Variants in SDK1 observed in about 807,000 individuals in gnomAD.
The protein encoded by SDK1 is protein sidekick-1.
In SDK1, 157 loss-of-function variants were observed where a neutral mutation model predicts 245.5. That is an observed-to-expected ratio of 0.64 (90% CI 0.56 to 0.73). The LOEUF is 0.73. Among genes scored for constraint, SDK1 ranks in the 30% least tolerant of loss-of-function variants. The pLI, the probability that SDK1 is intolerant of heterozygous loss-of-function variation, is 0.00. For synonymous variants in SDK1, 1,647 were observed against 1,278.5 expected (o/e 1.29, Z -6.15); for missense variants, 3,583 against 3,002.3 (o/e 1.19, Z -4.52).
intron 1 of SDK1, among the ~76,000 whole-genome samples, chr7:3,378,925 C>T (rs1241239757): frequency 1.3e-5 from 2 of 152,040 alleles, no homozygotes; most frequent in Non-Finnish European, 2.9e-5. Context: ...TCACCGACCT[C>T]CCACCCCTTC....
intron 32 of SDK1, among the ~76,000 whole-genome samples, chr7:4,166,651 C>T (rs2128214638): frequency 6.6e-6 from 1 of 152,356 alleles, no homozygotes; most frequent in South Asian, 2.1e-4. Context: ...AAGCAGAAGG[C>T]ACAGGATGGA....
intron 4 of SDK1, among the ~76,000 whole-genome samples, chr7:3,656,359 G>T (rs1198701693): frequency 6.6e-6 from 1 of 151,952 alleles, no homozygotes; most frequent in Non-Finnish European, 1.5e-5. Flanking sequence ...GCTTTTTTCT[G>T]GACTATTAGT....
intron 38 of SDK1, 48 bp downstream of exon 38, chr7:4,210,210 C>G (rs1784443701): frequency 6.9e-7 from 1 of 1,451,332 alleles, no homozygotes; most frequent in South Asian, 1.5e-5. Context: ...CACCAGTGCC[C>G]AGCCCTCTGC....
chr7:3,434,380 C>G (rs934720278), intron 1 of SDK1, among the ~76,000 whole-genome samples: 1 of 152,186 alleles, frequency 6.6e-6, no homozygotes, highest in Non-Finnish European at 1.5e-5. Flanking sequence ...GGTGTCCTCC[C>G]TGTTGTTTTG....
intron 5 of SDK1, among the ~76,000 whole-genome samples, chr7:3,925,366 C>A (rs558220754): frequency 6.6e-6 from 1 of 152,332 alleles, no homozygotes; most frequent in East Asian, 1.9e-4. Flanking sequence ...AGAAAAAGCA[C>A]ATTCAAGTTT....
intron 4 of SDK1, among the ~76,000 whole-genome samples, chr7:3,749,297 C>T (rs146424682): frequency 0.013 from 1,924 of 151,748 alleles, 50 homozygotes; most frequent in African/African-American, 0.044. Context: ...CCACCACGCC[C>T]AGCTAATTTT....
In SDK1 at chr7:3,562,674, C is replaced by A. The variant is rs549892625; in HGVS notation, c.299-56406C>A. The stretch of plus-strand genomic sequence containing the variant: ...ATAAAGTATACATAACATAAACTTA[C>A]CATTTTTAAGTGTACTGTTTGGTGG... On this transcript the variant is annotated intron_variant, in intron 1 of 44. Transcript: ENST00000404826. Among the ~76,000 whole-genome samples the A allele has an allele frequency of 1.6e-4, 24 of 152,264 alleles. No homozygotes were observed. In the South Asian group the frequency reaches 5.0e-3, roughly 32 times the overall value.
chr7:3,772,755 G>C (rs913964212), intron 4 of SDK1, among the ~76,000 whole-genome samples: 1 of 152,184 alleles, frequency 6.6e-6, no homozygotes, highest in African/African-American at 2.4e-5. Flanking sequence ...TTGCAGAGCA[G>C]TCTACAGGTA....
At chr7:3,573,605 C>T (rs1003815776) in intron 1 of SDK1, among the ~76,000 whole-genome samples, 2 of 152,006 alleles carry the variant, frequency 1.3e-5, no homozygotes, top group Non-Finnish European at 2.9e-5. Flanking sequence ...GCCACTTCTT[C>T]CAGAGCCAGC....
rs527715566 is a variant in SDK1 at position 3,953,957 on chromosome 7, G to C, written c.1150+2037G>C. Reference sequence around the variant, plus strand: ...GATTTGGATGAGATTATAATCCCACGCCCTGTGGCCGAGCATTATTGGTTT... The same window carrying C: ...GATTTGGATGAGATTATAATCCCACCCCCTGTGGCCGAGCATTATTGGTTT... On this transcript the variant is annotated intron_variant, in intron 7 of 44. Coordinates refer to ENST00000404826, the MANE Select transcript of SDK1 (RefSeq NM_152744.4). Among the ~76,000 whole-genome samples, 10 of 152,224 alleles carry C rather than the reference G, an allele frequency of 6.6e-5. No homozygotes were observed. In the East Asian group the frequency reaches 1.7e-3, roughly 26 times the overall value.
chr7:4,079,377 T>C, intron 21 of SDK1, 86 bp from the exon 22 acceptor site: 1 of 1,508,618 alleles, frequency 6.6e-7, no homozygotes, highest in Non-Finnish European at 9.1e-7. Flanking sequence ...TTGAAACTGT[T>C]TACTTTTGAA....
chr7:3,727,983 G>A (rs1124572), intron 4 of SDK1, among the ~76,000 whole-genome samples: 1,676 of 152,134 alleles, frequency 0.011, 39 homozygotes, highest in Admixed American at 0.053. Flanking sequence ...AACTTTGCTC[G>A]TTCTTGATGA....
At chr7:4,072,611 G>C (rs1377073988) in intron 20 of SDK1, among the ~76,000 whole-genome samples, 1 of 152,230 alleles carries the variant, frequency 6.6e-6, no homozygotes, top group Non-Finnish European at 1.5e-5. Flanking sequence ...ATTGAGAAGA[G>C]CAAAAGAAAA....
Position 3,958,955 on chromosome 7 carries a change from C to T in SDK1, c.1175C>T (p.Pro392Leu), listed in dbSNP as rs1781466973. The change falls in exon 8 of 45, where the codon CCC becomes CTC. Residue 392 changes from proline to leucine, a missense_variant. Transcript: ENST00000404826. ...IIEPPYFTAE[P>L]ESRISAEVEE... ...GAGCCACCATATTTTACTGCTGAGC[C>T]CGAGAGTCGGATTTCAGCTGAAGTA... 6.2e-7 allele frequency: 1 copy of T among 1,613,904 alleles called. No individual in the cohort carries two copies. The highest frequency in any genetic ancestry group is 1.1e-5 in the South Asian group (1 of 91,062).
At chr7:3,402,445 TTGAG>T (rs1477672681) in intron 1 of SDK1, among the ~76,000 whole-genome samples, 2 of 152,174 alleles carry the variant, frequency 1.3e-5, no homozygotes, top group Non-Finnish European at 2.9e-5. Flanking sequence ...ATTATAAAGT[TTGAG>T]TATTTCTATT....
chr7:4,157,930 G>A (rs1190699343), intron 30 of SDK1, among the ~76,000 whole-genome samples: 3 of 152,176 alleles, frequency 2.0e-5, no homozygotes, highest in Non-Finnish European at 4.4e-5. Context: ...GCCCAGTAAA[G>A]AGCTCCAGGA....
At chr7:4,021,764 G>A (rs181862766) in intron 17 of SDK1, among the ~76,000 whole-genome samples, 5 of 152,180 alleles carry the variant, frequency 3.3e-5, no homozygotes, top group Non-Finnish European at 5.9e-5. Context: ...TCTCCTTGTG[G>A]CAGAGGCTGG....
intron 35 of SDK1, among the ~76,000 whole-genome samples, chr7:4,196,866 G>A (rs1291159112): frequency 1.3e-5 from 2 of 152,202 alleles, no homozygotes; most frequent in East Asian, 3.9e-4. Context: ...TTGACTCTTG[G>A]CTAACAAGGG....
chr7:3,481,133 CT>C (rs1480452667), intron 1 of SDK1, among the ~76,000 whole-genome samples: 1 of 150,976 alleles, frequency 6.6e-6, no homozygotes, highest in Admixed American at 6.6e-5. Context: ...TGTCCTTTCA[CT>C]TTTTAAAACT....
Sources: gnomAD v4.1 joint callset for allele counts (sites outside exome capture counted in the v4.1 genomes callset) on GRCh38, gnomAD v4.1.1 for gene constraint, MANE v1.5 for transcripts, NCBI Gene and HGNC (gene_info 2026-07-23, HGNC 2026-07-21) for gene names.